Variants in RANBP2 observed in about 807,000 individuals in gnomAD.
RANBP2 encodes E3 SUMO-protein ligase RanBP2.
RANBP2 carries 57 observed loss-of-function variants against 303.6 expected under a neutral mutation model. That is an observed-to-expected ratio of 0.19 (90% confidence interval 0.15 to 0.23). The LOEUF is 0.23. RANBP2 is among the 10% of genes least tolerant of loss of function. The pLI, the probability that RANBP2 is intolerant of heterozygous loss-of-function variation, is 1.00. For synonymous variants in RANBP2, 1,167 were observed against 1,301.5 expected (o/e 0.90, Z 2.23); for missense variants, 3,138 against 3,780.8 (o/e 0.83, Z 4.46).
chr2:108,813,248 C>CA, the RANBP2 span, among the ~76,000 whole-genome samples: 2,391 of 63,460 alleles, frequency 0.038, 353 homozygotes, highest in African/African-American at 0.055. Flanking sequence ...GACTCCGTCT[C>CA]AAAAAAAAAA....
At chr2:108,894,989 A>C in the RANBP2 span, 1 of 151,678 alleles carries the variant, frequency 6.6e-6, no homozygotes, top group Non-Finnish European at 1.5e-5. Context: ...CACAAGTGAC[A>C]TTTGCAGTCT....
the RANBP2 span, among the ~76,000 whole-genome samples, chr2:109,456,814 C>T: frequency 2.6e-5 from 4 of 152,204 alleles, no homozygotes; most frequent in Non-Finnish European, 5.9e-5. Context: ...CTCCATGGTA[C>T]CCACAAGTGC....
the RANBP2 span, among the ~76,000 whole-genome samples, chr2:109,210,575 A>G: frequency 6.6e-6 from 1 of 152,200 alleles, no homozygotes; most frequent in South Asian, 2.1e-4. Context: ...TGGCCTAAGC[A>G]GGTGGCTCTG....
the RANBP2 span, chr2:108,911,007 C>A: frequency 6.2e-7 from 1 of 1,614,104 alleles, no homozygotes; most frequent in Non-Finnish European, 8.5e-7. Flanking sequence ...ATGGCGATGG[C>A]CATGATGAAG....
chr2:108,751,272 C>G lies in RANBP2; in HGVS notation c.1282C>G (p.Arg428Gly). Residue 428 changes from arginine (R) to glycine (G), a missense_variant, in exon 10 of 29, where the codon CGA becomes GGA. Coordinates refer to ENST00000283195, the MANE Select transcript of RANBP2 (RefSeq NM_006267.5). ...DLTRYDVGAIRAHNGSLQHLT... is the reference protein window; with the variant it reads ...DLTRYDVGAIGAHNGSLQHLT... ...TTTTAATTTTATTTCAGGTGCTATTCGAGCACATAATGGTAGTCTTCAGCA... is the reference window on the plus strand; with the variant it reads ...TTTTAATTTTATTTCAGGTGCTATTGGAGCACATAATGGTAGTCTTCAGCA... 1 of 1,611,848 alleles carries G rather than the reference C, an allele frequency of 6.2e-7. No homozygotes were observed. Among genetic ancestry groups the G allele is most frequent in the Non-Finnish European group, 8.5e-7 (1 of 1,179,830 alleles).
the RANBP2 span, among the ~76,000 whole-genome samples, chr2:109,714,834 T>C: frequency 6.6e-6 from 1 of 152,028 alleles, no homozygotes; most frequent in South Asian, 2.1e-4. Flanking sequence ...GGTCTCAAAC[T>C]CCTGACCTCA....
At chr2:109,326,842 G>T in the RANBP2 span, among the ~76,000 whole-genome samples, 1 of 152,198 alleles carries the variant, frequency 6.6e-6, no homozygotes. Flanking sequence ...GTATCCGTAG[G>T]TGCGCACAGC....
the RANBP2 span, among the ~76,000 whole-genome samples, chr2:109,335,745 A>C: frequency 1.3e-5 from 2 of 152,212 alleles, no homozygotes; most frequent in African/African-American, 4.8e-5. Flanking sequence ...CCCCACAAGT[A>C]ACGGGCACTC....
the RANBP2 span, among the ~76,000 whole-genome samples, chr2:109,528,254 G>T: frequency 6.6e-6 from 1 of 152,324 alleles, no homozygotes; most frequent in Non-Finnish European, 1.5e-5. Context: ...GCTGTGCCCT[G>T]CCCTGAGTAC....
chr2:108,958,559 G>A, the RANBP2 span, among the ~76,000 whole-genome samples: 2 of 152,196 alleles, frequency 1.3e-5, no homozygotes, highest in African/African-American at 4.8e-5. Context: ...GCACAGTAGA[G>A]AGGGCAGAAG....
Position 108,764,488 on chromosome 2 carries a change from A to G in RANBP2, c.3949A>G (p.Asn1317Asp), listed in dbSNP as rs771880842. The G allele has an allele frequency of 6.2e-7, 1 of 1,613,948 alleles. No homozygotes were observed. The highest frequency in any genetic ancestry group is 2.2e-5 in the East Asian group (1 of 44,886). The change falls in exon 20 of 29, where the codon AAT (asparagine) becomes GAT (aspartate). Residue 1317 changes from asparagine (N) to aspartate (D), a missense_variant. Around this residue, in one of 20 missense-constraint regions of RANBP2, gnomAD observed 388 missense variants for 328.5 expected, o/e 1.18. Coordinates refer to ENST00000283195, the MANE Select transcript of RANBP2 (RefSeq NM_006267.5). ...AGGAACAAATGTAGCCATGGCGTCA[A>G]ATCAGGCTGTCAGAATTGTAAAAGA... is the stretch of plus-strand genomic sequence containing the variant. The part of the protein sequence containing the change: ...APGTNVAMAS[N>D]QAVRIVKEPT...
the RANBP2 span, among the ~76,000 whole-genome samples, chr2:109,407,687 A>C: frequency 6.6e-6 from 1 of 152,328 alleles, no homozygotes; most frequent in South Asian, 2.1e-4. Context: ...GAAAGTTATA[A>C]ATTTAATTAC....
the RANBP2 span, among the ~76,000 whole-genome samples, chr2:109,325,993 C>G: frequency 0.025 from 3,786 of 152,318 alleles, 195 homozygotes; most frequent in East Asian, 0.2. Context: ...TAAAGAAGAA[C>G]AACAACAAAC....
chr2:109,731,733 C>G, the RANBP2 span, among the ~76,000 whole-genome samples: 8 of 152,058 alleles, frequency 5.3e-5, no homozygotes, highest in African/African-American at 1.9e-4. Context: ...GTGATCCCCC[C>G]AGCCTCGGCC....
chr2:109,144,223 G>A, the RANBP2 span, among the ~76,000 whole-genome samples: 1 of 152,326 alleles, frequency 6.6e-6, no homozygotes, highest in East Asian at 1.9e-4. Flanking sequence ...AGGTAACCAC[G>A]TGAGGTGATA....
At chr2:109,078,125 A>AG in the RANBP2 span, among the ~76,000 whole-genome samples, 11 of 110,592 alleles carry the variant, frequency 9.9e-5, no homozygotes, top group Non-Finnish European at 1.8e-4. Context: ...TATAGCGTGT[A>AG]TATATATATA....
chr2:108,999,472 A>G, the RANBP2 span, among the ~76,000 whole-genome samples: 1 of 152,206 alleles, frequency 6.6e-6, no homozygotes, highest in African/African-American at 2.4e-5. Context: ...ACTTTCCCAC[A>G]CATCTAACTG....
the RANBP2 span, among the ~76,000 whole-genome samples, chr2:109,517,565 C>T: frequency 0.028 from 4,247 of 152,306 alleles, 218 homozygotes; most frequent in African/African-American, 0.096. Context: ...TGCACTCTGA[C>T]GTTGGAATCC....
chr2:109,520,888 C>T, the RANBP2 span, among the ~76,000 whole-genome samples: 95 of 94,510 alleles, frequency 1.0e-3, 5 homozygotes, highest in African/African-American at 2.6e-3. Context: ...GCCAAGATCG[C>T]GCCACTGCAT....
Sources: allele counts gnomAD v4.1 joint callset (sites outside exome capture counted in the v4.1 genomes callset), GRCh38; gene constraint gnomAD v4.1.1; regional missense constraint gnomAD v4.1.1; transcripts MANE v1.5; gene names NCBI Gene and HGNC (gene_info 2026-07-23, HGNC 2026-07-21).